ZNF385D: variants seen among roughly 807,000 people sequenced by gnomAD.
ZNF385D encodes the protein zinc finger protein 385D, also known as zinc finger protein 659.
Under a neutral mutation model 35.8 loss-of-function variants are expected in ZNF385D, and 15 were observed. The observed-to-expected ratio is 0.42, with a 90% confidence interval of 0.28 to 0.64. The LOEUF (loss-of-function observed/expected upper bound fraction) is 0.64, where lower values mean the gene tolerates loss of function less well. Among genes scored for constraint, ZNF385D ranks in the 30% least tolerant of loss-of-function variants. The pLI, the probability that ZNF385D is intolerant of heterozygous loss-of-function variation, is 0.23. For missense variants in ZNF385D, 474 were observed against 494.6 expected, an observed-to-expected ratio of 0.96 and a Z score of 0.39; for synonymous variants, 212 against 186.8, an observed-to-expected ratio of 1.13 and a Z score of -1.10.
At chr3:21,817,731 T>C (rs138733108) in intron 3 of ZNF385D, among the ~76,000 whole-genome samples, 43,282 of 152,092 alleles carry the variant, frequency 0.28, 6,321 homozygotes, top group Middle Eastern at 0.33. Context: ...TTGGTGGGAC[T>C]GTAAACTAGT....
intron 2 of ZNF385D, among the ~76,000 whole-genome samples, chr3:22,208,652 T>C (rs2125256148): frequency 6.6e-6 from 1 of 151,780 alleles, no homozygotes; most frequent in South Asian, 2.1e-4. Flanking sequence ...TATTTGCCCA[T>C]ATCAAAATAT....
chr3:21,662,087 T>C (rs1461653586), intron 2 of ZNF385D, among the ~76,000 whole-genome samples: 1 of 152,142 alleles, frequency 6.6e-6, no homozygotes, highest in East Asian at 1.9e-4. Context: ...CATCATGGAC[T>C]TTGCTTTATA....
intron 3 of ZNF385D, among the ~76,000 whole-genome samples, chr3:21,818,554 A>G (rs2073259550): frequency 6.6e-6 from 1 of 152,176 alleles, no homozygotes; most frequent in Admixed American, 6.5e-5. Context: ...GATATCCCAA[A>G]ATATTTCTAG....
chr3:22,062,272 C>CTTAA (rs1699728679), intron 3 of ZNF385D, among the ~76,000 whole-genome samples: 1 of 152,020 alleles, frequency 6.6e-6, no homozygotes, highest in South Asian at 2.1e-4. Context: ...CCCAGGCGGA[C>CTTAA]TTAAACTCTC....
chr3:22,158,804 G>C (rs1559415756), intron 3 of ZNF385D, among the ~76,000 whole-genome samples: 1 of 151,680 alleles, frequency 6.6e-6, no homozygotes, highest in Non-Finnish European at 1.5e-5. Flanking sequence ...AGTTTCAAAA[G>C]GGTGGGCCTC....
intron 3 of ZNF385D, among the ~76,000 whole-genome samples, chr3:21,549,004 C>G (rs1414326377): frequency 3.3e-5 from 5 of 152,154 alleles, no homozygotes; most frequent in Admixed American, 3.3e-4. Context: ...TCATAATACT[C>G]TATAGAAATG....
chr3:21,929,034 C>T (rs1369650226), intron 3 of ZNF385D, among the ~76,000 whole-genome samples: 1 of 152,070 alleles, frequency 6.6e-6, no homozygotes, highest in African/African-American at 2.4e-5. Context: ...GAAAAGAAAG[C>T]TATAATTCAA....
At chr3:21,514,744 T>C (rs1055669864) in intron 3 of ZNF385D, among the ~76,000 whole-genome samples, 1 of 151,924 alleles carries the variant, frequency 6.6e-6, no homozygotes, top group Non-Finnish European at 1.5e-5. Flanking sequence ...CCTGGAGTCT[T>C]ATTAAACCTT....
intron 2 of ZNF385D, among the ~76,000 whole-genome samples, chr3:21,621,200 CTGT>C: frequency 6.6e-6 from 1 of 152,002 alleles, no homozygotes; most frequent in African/African-American, 2.4e-5. Context: ...CATTTGCTTG[CTGT>C]CTAAGATTAA....
At chr3:22,341,180 T>C (rs1695404410) in intron 2 of ZNF385D, among the ~76,000 whole-genome samples, 1 of 152,160 alleles carries the variant, frequency 6.6e-6, no homozygotes, top group South Asian at 2.1e-4. Context: ...AAAAAACGAG[T>C]AGATTATATT....
At chr3:21,943,833 T>C (rs1026857689) in intron 3 of ZNF385D, among the ~76,000 whole-genome samples, 2 of 152,206 alleles carry the variant, frequency 1.3e-5, no homozygotes, top group African/African-American at 2.4e-5. Context: ...AAAACACTGA[T>C]GCATTTTGTT....
chr3:22,162,967 C>G lies in ZNF385D; in HGVS notation c.325+5850G>C, dbSNP rs537414793. Among the ~76,000 whole-genome samples the G allele has an allele frequency of 1.6e-4, 25 of 152,216 alleles. 1 individual carries two copies. In the South Asian group the frequency reaches 5.0e-3, roughly 30 times the overall value. ...CTATACCTGTGAAGCGTAAGAAAAGCAGGACATAGTAGAGAGTGAGGTTAG... is the reference window on the plus strand; with the variant it reads ...CTATACCTGTGAAGCGTAAGAAAAGGAGGACATAGTAGAGAGTGAGGTTAG... On this transcript the variant is annotated intron_variant, in intron 3 of 5. Coordinates refer to the ZNF385D transcript ENST00000494108.
chr3:21,981,504 A>T (rs929923253), intron 3 of ZNF385D, among the ~76,000 whole-genome samples: 1 of 152,110 alleles, frequency 6.6e-6, no homozygotes, highest in Non-Finnish European at 1.5e-5. Context: ...ATTTCCTCTC[A>T]TTCCGTAGGT....
chr3:21,496,582 A>G (rs1002377408), intron 4 of ZNF385D, among the ~76,000 whole-genome samples: 2 of 146,832 alleles, frequency 1.4e-5, no homozygotes, highest in African/African-American at 5.0e-5. Context: ...TATCATATAT[A>G]TATACACACA....
At chr3:22,028,414 G>A (rs533762284) in intron 3 of ZNF385D, among the ~76,000 whole-genome samples, 2 of 152,280 alleles carry the variant, frequency 1.3e-5, no homozygotes, top group African/African-American at 4.8e-5. Flanking sequence ...CACTCACCAA[G>A]GCTGACCTGG....
chr3:21,975,624 A>G (rs1703546961), intron 3 of ZNF385D, among the ~76,000 whole-genome samples: 1 of 151,312 alleles, frequency 6.6e-6, no homozygotes, highest in Admixed American at 6.7e-5. Flanking sequence ...TGATTTTTAC[A>G]CATTGTATAC....
intron 2 of ZNF385D, among the ~76,000 whole-genome samples, chr3:22,283,613 G>A (rs1299071624): frequency 1.3e-5 from 2 of 152,116 alleles, no homozygotes; most frequent in Non-Finnish European, 1.5e-5. Context: ...ATAGCTGTGT[G>A]CAGCTTTGAG....
chr3:21,650,490 A>C (rs1025114001), intron 2 of ZNF385D, among the ~76,000 whole-genome samples: 1 of 152,158 alleles, frequency 6.6e-6, no homozygotes, highest in East Asian at 1.9e-4. Flanking sequence ...ATCTACGTGC[A>C]TTTATTTTTT....
chr3:22,230,224 G>T (rs1040157778), intron 2 of ZNF385D, among the ~76,000 whole-genome samples: 1 of 152,094 alleles, frequency 6.6e-6, no homozygotes. Context: ...ATAAAAATTA[G>T]AAAACCAACA....
Sources: allele counts gnomAD v4.1 joint callset (sites outside exome capture counted in the v4.1 genomes callset), GRCh38; gene constraint gnomAD v4.1.1; transcripts MANE v1.5; gene names NCBI Gene and HGNC (gene_info 2026-07-23, HGNC 2026-07-21).